The following TACC3 variants were observed in gnomAD, a reference collection of about 807,000 sequenced individuals.
The protein encoded by TACC3 is transforming acidic coiled-coil containing protein 3, also known as transforming acidic coiled-coil-containing protein 3.
TACC3 carries 52 observed loss-of-function variants against 86.0 expected under a neutral mutation model. The observed-to-expected ratio is 0.60, with a 90% CI of 0.48 to 0.76. The LOEUF (loss-of-function observed/expected upper bound fraction) is 0.76. Ranked by LOEUF, TACC3 falls within the 30% of genes least tolerant of loss-of-function variation. The pLI, the probability that TACC3 is intolerant of heterozygous loss-of-function variation, is 0.00. For synonymous variants in TACC3, 512 were observed against 430.0 expected (o/e 1.19, Z -2.36); for missense variants, 1,120 against 1,070.4 (o/e 1.05, Z -0.65).
At chr4:1,729,669 T>C (rs1717902326) in intron 4 of TACC3, among the ~76,000 whole-genome samples, 1 of 152,204 alleles carries the variant, frequency 6.6e-6, no homozygotes, top group African/African-American at 2.4e-5. Flanking sequence ...GAGCGGATCA[T>C]GAAAGTGGAC....
intron 12 of TACC3, 94 bp from the exon 13 acceptor site, chr4:1,740,732 C>A (rs1009837203): frequency 2.6e-6 from 3 of 1,155,770 alleles, no homozygotes; most frequent in Admixed American, 2.2e-5. Context: ...CTCCTCCTGG[C>A]GCTCGAGTCC....
upstream of TACC3, chr4:1,720,830 C>T (rs759258858): frequency 1.9e-6 from 3 of 1,580,128 alleles, no homozygotes; most frequent in South Asian, 3.5e-5. This position sits in a 1 kb window ranked among gnomAD's most constrained non-coding sequence, Gnocchi z 4.4. Context: ...CACCTCGGGG[C>T]TGTCCATCGC....
chr4:1,722,115 C>G (rs1717414478), intron 1 of TACC3, among the ~76,000 whole-genome samples: 1 of 152,182 alleles, frequency 6.6e-6, no homozygotes. Flanking sequence ...CCACCTTCCC[C>G]CCGCACCGCA....
At chr4:1,720,748 C>G (rs1198479130), upstream of TACC3, 1 of 1,579,946 alleles carries the variant, frequency 6.3e-7, no homozygotes, top group South Asian at 1.2e-5. The surrounding 1 kb of genome is among the most constrained non-coding windows in gnomAD (Gnocchi z 4.4). Flanking sequence ...GCACCGTGAG[C>G]CCCGCCGCGT....
At chr4:1,739,060 G>A (rs914810297) in intron 10 of TACC3, among the ~76,000 whole-genome samples, 1 of 152,224 alleles carries the variant, frequency 6.6e-6, no homozygotes, top group Non-Finnish European at 1.5e-5. Context: ...TGTAATCCCA[G>A]TACTTTGGGA....
chr4:1,740,792 C>T, intron 12 of TACC3, 34 bp from the exon 13 acceptor site: 2 of 1,589,666 alleles, frequency 1.3e-6, no homozygotes, highest in South Asian at 1.2e-5. Flanking sequence ...TCGGTTGCCT[C>T]CTCATCCTGA....
rs1310681761 is a variant in TACC3 at position 1,735,877 on chromosome 4, G to C, written c.1748+43G>C. 1 of 1,379,930 alleles carries C rather than the reference G, an allele frequency of 7.2e-7. No individual in the cohort carries two copies. The highest frequency in any genetic ancestry group is 1.8e-5 in the Admixed American group (1 of 54,310). The allele number at this position is 1,379,930 out of a possible 1,614,324, so 85.5% of individuals were successfully genotyped here. A position where few individuals can be genotyped will look rare whatever the true frequency, so the allele number is the denominator to read the frequency against. On this transcript the variant is annotated intron_variant, in intron 8 of 15. Coordinates refer to ENST00000313288, the MANE Select transcript of TACC3 (RefSeq NM_006342.3). The surrounding 1 kb of genome is among the most constrained non-coding windows in gnomAD (Gnocchi z 4.2). Reference sequence around the variant, plus strand: ...CCCTCATGCATGAAGCCTTGAGTGTGGGAAGACTGGAGGCTGTTCCTAGGT... The same window carrying C: ...CCCTCATGCATGAAGCCTTGAGTGTCGGAAGACTGGAGGCTGTTCCTAGGT...
intron 8 of TACC3, 44 bp from the exon 9 acceptor site, chr4:1,737,196 CA>C (rs1718313886): frequency 4.6e-6 from 7 of 1,520,906 alleles, no homozygotes; most frequent in Non-Finnish European, 6.4e-6. Flanking sequence ...TCCTACTCAA[CA>C]CTGGGAGGGC....
rs1440664289 is a variant in TACC3, at chr4:1,727,746, A to G, written c.344A>G (p.His115Arg). 1 of 1,598,950 alleles carries G rather than the reference A, an allele frequency of 6.3e-7. No homozygotes were observed. The highest frequency in any genetic ancestry group is 1.3e-5 in the African/African-American group (1 of 74,476). Residue 115 changes from histidine (H) to arginine (R), a missense_variant, in exon 4 of 16, where the codon CAT becomes CGT. His to Arg is a conservative substitution (Grantham distance 29). Transcript: ENST00000313288. The part of the protein sequence containing the change: ...LIKEVDAKTT[H>R]GILQKPVEAD... ...AAGGAAGTGGATGCCAAAACTACTC[A>G]TGGAATTCTACAGAAACCAGTGGAG...
chr4:1,730,223 G>A (rs1317942194), intron 4 of TACC3, among the ~76,000 whole-genome samples: 1 of 152,118 alleles, frequency 6.6e-6, no homozygotes, highest in Non-Finnish European at 1.5e-5. Context: ...GTATTTTTTA[G>A]TAGAGACGGG....
chr4:1,723,381 G>C, intron 1 of TACC3, 40 bp from the exon 2 acceptor site: 1 of 1,596,956 alleles, frequency 6.3e-7, no homozygotes, highest in Non-Finnish European at 8.6e-7. Flanking sequence ...ATGTGGTAGT[G>C]TTGCCCTCAC....
rs1161620874 is a variant in TACC3, at chr4:1,735,814, C to T, written c.1728C>T (p.Pro576=). 1.0e-5 allele frequency: 16 copies of T among 1,590,272 alleles called. No individual in the cohort carries two copies. In the East Asian group the frequency reaches 1.6e-4, roughly 16 times the overall value. The change falls in exon 8 of 16, where the codon CCC becomes CCT. Residue 576 remains proline (P), a synonymous_variant. Coordinates refer to ENST00000313288, the MANE Select transcript of TACC3 (RefSeq NM_006342.3). This position sits in a 1 kb window ranked among gnomAD's most constrained non-coding sequence, Gnocchi z 4.2. The part of the protein sequence containing the change: ...LLRDSPGRPV[P]VATETSSMHG... The stretch of plus-strand genomic sequence containing the variant: ...GGGACAGTCCTGGTAGACCAGTGCC[C>T]GTGGCCACCGAGACCAGCAGGTATG...
chr4:1,733,096 G>T lies in TACC3; in HGVS notation c.1591+1795G>T, dbSNP rs534232554. On this transcript the variant is annotated intron_variant, in intron 6 of 15. Coordinates refer to ENST00000313288, the MANE Select transcript of TACC3 (RefSeq NM_006342.3). ...CTCCACATCCTCGCCAGCGCTGCTT[G>T]TCTGTCTTGTTGATCCTAGACTTCC... is the stretch of plus-strand genomic sequence containing the variant. 3.3e-5 allele frequency among the ~76,000 whole-genome samples: 5 copies of T among 152,260 alleles called. No individual in the cohort carries two copies. In the East Asian group the frequency reaches 9.7e-4, roughly 29 times the overall value.
At chr4:1,731,963 C>T (rs997706785) in intron 6 of TACC3, among the ~76,000 whole-genome samples, 2 of 152,254 alleles carry the variant, frequency 1.3e-5, no homozygotes, top group African/African-American at 4.8e-5. Flanking sequence ...AATGTGAAGC[C>T]TGAACCTTAG....
chr4:1,744,691 G>C (rs771662058), intron 14 of TACC3, 21 bp from the exon 15 acceptor site: 3 of 1,612,118 alleles, frequency 1.9e-6, no homozygotes, highest in Non-Finnish European at 2.5e-6. Flanking sequence ...CTCAGCCTCT[G>C]CCCCGCCCCT....
chr4:1,728,207 C>A lies in TACC3; in HGVS notation c.805C>A (p.Pro269Thr). The A allele has an allele frequency of 6.2e-7, 1 of 1,611,718 alleles. No homozygotes were observed. Among genetic ancestry groups the A allele is most frequent in the Admixed American group, 1.7e-5 (1 of 59,878 alleles). The change falls in exon 4 of 16, where the codon CCT (proline) becomes ACT (threonine). Residue 269 changes from proline to threonine, a missense_variant. Transcript: ENST00000313288. ...CGGAGGAGCACCCCTGCAGGGTCTG[C>A]CTGGCGAAGCCCTGGGCTGCCCTGC... Reference protein sequence around the residue: ...ACGGAPLQGLPGEALGCPAGV... With the variant: ...ACGGAPLQGLTGEALGCPAGV...
At chr4:1,741,233 T>C in intron 13 of TACC3, 1 of 393,690 alleles carries the variant, frequency 2.5e-6, no homozygotes, top group Non-Finnish European at 4.6e-6. Flanking sequence ...CGCTGTTGTG[T>C]GACAGACGAC....
rs776300182 is a variant in TACC3 at position 1,735,325 on chromosome 4, G to A, written c.1644G>A (p.Ser548=). ...ACCTGGAGCAGTTTGGAACTTCCTC[G>A]GTAGGTACCAGGCAATTCCGCGAAG... ...VDYLEQFGTS[S]FKESALRKQS... The change falls in exon 7 of 16, where the codon TCG becomes TCA. Residue 548 remains serine, a splice_region_variant and synonymous_variant. Coordinates refer to ENST00000313288, the MANE Select transcript of TACC3 (RefSeq NM_006342.3). This position sits in a 1 kb window ranked among gnomAD's most constrained non-coding sequence, Gnocchi z 4.2. The A allele has an allele frequency of 4.0e-5, 65 of 1,614,010 alleles. No individual in the cohort carries two copies. The highest frequency in any genetic ancestry group is 1.0e-4 in the Admixed American group (6 of 60,022).
At chr4:1,738,660 G>A (rs1223758651) in intron 10 of TACC3, among the ~76,000 whole-genome samples, 1 of 152,234 alleles carries the variant, frequency 6.6e-6, no homozygotes, top group Non-Finnish European at 1.5e-5. Context: ...AATGGCAAGA[G>A]CACACCTGAA....
Sources: gnomAD v4.1 joint callset for allele counts (sites outside exome capture counted in the v4.1 genomes callset) on GRCh38, gnomAD v4.1.1 for gene constraint, Gnocchi (gnomAD v3.1) non-coding constraint, MANE v1.5 for transcripts, NCBI Gene and HGNC (gene_info 2026-07-23, HGNC 2026-07-21) for gene names.